Variants in FSIP1 observed in about 807,000 individuals in gnomAD.
FSIP1 encodes the protein fibrous sheath-interacting protein 1.
In FSIP1, 65 loss-of-function variants were observed where a neutral mutation model predicts 60.9. The ratio of observed to expected loss-of-function variants is 1.07; its 90% confidence interval spans 0.87 to 1.31. The LOEUF is 1.31. Ranked by LOEUF, FSIP1 falls within the 40% of genes most tolerant of loss-of-function variation. The pLI is 0.00. For missense variants in FSIP1, 675 were observed against 665.5 expected (o/e 1.01, Z -0.16); for synonymous variants, 209 against 221.2 (o/e 0.94, Z 0.49).
intron 10 of FSIP1, among the ~76,000 whole-genome samples, chr15:39,660,653 A>G (rs565111588): frequency 5.3e-5 from 8 of 152,254 alleles, no homozygotes; most frequent in Non-Finnish European, 1.2e-4. Context: ...TATTTAGAGT[A>G]ACATTTTATT....
At chr15:39,711,782 T>C (rs1895524133) in intron 10 of FSIP1, among the ~76,000 whole-genome samples, 1 of 147,292 alleles carries the variant, frequency 6.8e-6, no homozygotes, top group Non-Finnish European at 1.5e-5. Context: ...CCTCCTGGGT[T>C]CAAGCAGTTC....
chr15:39,646,285 C>T (rs1020885465), intron 10 of FSIP1, among the ~76,000 whole-genome samples: 5 of 152,030 alleles, frequency 3.3e-5, no homozygotes, highest in African/African-American at 4.8e-5. Context: ...TAAAACTCTG[C>T]TTCTTCACCC....
rs765576150 is a variant in FSIP1 at position 39,600,514 on chromosome 15, G to A, written c.*366C>T. ...AAATTCCCAGTGACCACCATGATCT[G>A]TCTGAATCACAGTAGAGGTGAAACA... is the stretch of plus-strand genomic sequence containing the variant. On this transcript the variant is annotated 3_prime_UTR_variant, in exon 12 of 12. Coordinates refer to ENST00000350221, the MANE Select transcript of FSIP1 (RefSeq NM_152597.5). 6.1e-6 allele frequency: 1 copy of A among 164,014 alleles called. No homozygotes were observed. Among genetic ancestry groups the A allele is most frequent in the Non-Finnish European group, 1.3e-5 (1 of 76,304 alleles). The allele number at this position is 164,014 out of a possible 1,614,324, so 10.2% of individuals were successfully genotyped here.
At chr15:39,612,784 T>C (rs1891082120) in intron 11 of FSIP1, among the ~76,000 whole-genome samples, 1 of 152,026 alleles carries the variant, frequency 6.6e-6, no homozygotes, top group Non-Finnish European at 1.5e-5. Context: ...CTCAAATAAA[T>C]CAAATCCTCT....
intron 10 of FSIP1, among the ~76,000 whole-genome samples, chr15:39,692,411 CA>C (rs1894639008): frequency 6.6e-6 from 1 of 152,166 alleles, no homozygotes; most frequent in South Asian, 2.1e-4. Context: ...CACCATTTTA[CA>C]AATTATAAAA....
intron 10 of FSIP1, among the ~76,000 whole-genome samples, chr15:39,665,973 T>C (rs1308787876): frequency 6.6e-6 from 1 of 152,208 alleles, no homozygotes; most frequent in East Asian, 1.9e-4. Flanking sequence ...ATATTCACAA[T>C]GTGGAAAGTG....
intron 10 of FSIP1, among the ~76,000 whole-genome samples, chr15:39,707,354 C>A (rs1895316845): frequency 6.6e-6 from 1 of 152,116 alleles, no homozygotes; most frequent in Non-Finnish European, 1.5e-5. Flanking sequence ...CCCACTCTAC[C>A]CTCCCACTCT....
rs369797864 is a variant in FSIP1 at position 39,612,086 on chromosome 15, C to G, written c.1699+5649G>C. On this transcript the variant is annotated intron_variant, in intron 11 of 11. Transcript: ENST00000350221. ...GTAGGGGACCTCAATACCCCACTTTCAATGATGAAGAGATCATCTAGACAG... is the reference window on the plus strand; with the variant it reads ...GTAGGGGACCTCAATACCCCACTTTGAATGATGAAGAGATCATCTAGACAG... 6.6e-5 allele frequency among the ~76,000 whole-genome samples: 10 copies of G among 152,268 alleles called. No individual in the cohort carries two copies. In the East Asian group the frequency reaches 1.3e-3, roughly 21 times the overall value.
At chr15:39,671,344 G>T (rs1165466987) in intron 10 of FSIP1, among the ~76,000 whole-genome samples, 1 of 151,860 alleles carries the variant, frequency 6.6e-6, no homozygotes, top group African/African-American at 2.4e-5. Context: ...TCATTATGAT[G>T]AATTAAATAC....
At chr15:39,711,096 G>A (rs1384846212) in intron 10 of FSIP1, among the ~76,000 whole-genome samples, 1 of 152,226 alleles carries the variant, frequency 6.6e-6, no homozygotes, top group Non-Finnish European at 1.5e-5. Flanking sequence ...TTCAAGGTAT[G>A]TGATAAATGG....
At chr15:39,625,548 G>A (rs990852571) in intron 10 of FSIP1, among the ~76,000 whole-genome samples, 3 of 152,206 alleles carry the variant, frequency 2.0e-5, no homozygotes, top group Non-Finnish European at 4.4e-5. Flanking sequence ...TACCATTTGA[G>A]GATTGCCAAC....
chr15:39,629,300 C>G (rs766671854), intron 10 of FSIP1, among the ~76,000 whole-genome samples: 1 of 152,132 alleles, frequency 6.6e-6, no homozygotes, highest in South Asian at 2.1e-4. Flanking sequence ...TCATCGCCCT[C>G]GGAAGGTTTA....
chr15:39,750,661 T>C (rs1897136047), intron 5 of FSIP1, among the ~76,000 whole-genome samples: 2 of 151,848 alleles, frequency 1.3e-5, no homozygotes, highest in Non-Finnish European at 2.9e-5. Context: ...GACCAAAACA[T>C]AAAATCTGAA....
At chr15:39,656,075 G>A (rs894547803) in intron 10 of FSIP1, among the ~76,000 whole-genome samples, 1 of 152,152 alleles carries the variant, frequency 6.6e-6, no homozygotes, top group Non-Finnish European at 1.5e-5. Flanking sequence ...TGTACACAGA[G>A]AGGGGAAGAC....
At position 39,604,088 on chromosome 15, in the gene FSIP1, T is replaced by C. The variant is rs182592052; in HGVS notation, c.1700-3162A>G. 2.4e-3 allele frequency among the ~76,000 whole-genome samples: 363 copies of C among 152,326 alleles called. 10 individuals carry two copies. In the East Asian group the frequency reaches 0.025, roughly 10 times the overall value. On this transcript the variant is annotated intron_variant, in intron 11 of 11. Coordinates refer to ENST00000350221, the MANE Select transcript of FSIP1 (RefSeq NM_152597.5). ...CTGGGATTATAGGCATGCACCACCA[T>C]ACCCGGCTAATTTTGTATTTTTAGT...
chr15:39,670,483 T>G (rs893202767), intron 10 of FSIP1, among the ~76,000 whole-genome samples: 3 of 152,220 alleles, frequency 2.0e-5, no homozygotes, highest in Admixed American at 1.3e-4. Context: ...TTTTGTCTTT[T>G]TCTTTTTCTT....
intron 5 of FSIP1, among the ~76,000 whole-genome samples, chr15:39,745,085 C>T (rs1008137779): frequency 6.6e-6 from 1 of 150,712 alleles, no homozygotes; most frequent in Non-Finnish European, 1.5e-5. Flanking sequence ...ACCAGATTCA[C>T]GCGCCACCCC....
intron 11 of FSIP1, among the ~76,000 whole-genome samples, chr15:39,616,132 C>CA (rs1191090318): frequency 2.0e-5 from 3 of 151,954 alleles, no homozygotes; most frequent in African/African-American, 7.3e-5. Context: ...ATGTAAGAAA[C>CA]AAAAAATCCA....
chr15:39,602,502 T>TA (rs2140359130), intron 11 of FSIP1: 2 of 367,152 alleles, frequency 5.4e-6, no homozygotes, highest in East Asian at 7.7e-5. Flanking sequence ...AAGTTCTTAT[T>TA]AAAAAAAGAC....
Sources: allele counts gnomAD v4.1 joint callset (sites outside exome capture counted in the v4.1 genomes callset), GRCh38; gene constraint gnomAD v4.1.1; transcripts MANE v1.5; gene names NCBI Gene and HGNC (gene_info 2026-07-23, HGNC 2026-07-21).